Variants in GET1 observed in about 807,000 individuals in gnomAD.
GET1 encodes guided entry of tail-anchored proteins factor 1.
A neutral mutation model predicts 22.6 loss-of-function variants in GET1; 20 were observed. The observed-to-expected ratio is 0.89, with a 90% CI of 0.62 to 1.29. The LOEUF is 1.29. Among genes scored for constraint, GET1 ranks in the 50% most tolerant of loss-of-function variants. The pLI is 0.00. For missense variants in GET1, 209 were observed against 219.9 expected (o/e 0.95, Z 0.31); for synonymous variants, 92 against 83.8 (o/e 1.10, Z -0.53).
chr21:39,426,204 C>A (rs142793712), intron 1 of GET1, among the ~76,000 whole-genome samples: 7 of 152,150 alleles, frequency 4.6e-5, no homozygotes, highest in African/African-American at 1.7e-4. Flanking sequence ...GGTTTGTTGG[C>A]TTCAGAAAGG....
At chr21:39,424,774 A>G (rs963406704) in intron 1 of GET1, among the ~76,000 whole-genome samples, 2 of 152,234 alleles carry the variant, frequency 1.3e-5, no homozygotes, top group African/African-American at 4.8e-5. Flanking sequence ...GCTGGGCACC[A>G]AATGAAGTAA....
In GET1 at chr21:39,405,977, AG is replaced by A. The variant is rs2039023285; in HGVS notation, c.415del (p.Ala139ProfsTer41). 6.2e-7 allele frequency: 1 copy of A among 1,613,326 alleles called. No individual in the cohort carries two copies. Among genetic ancestry groups the A allele is most frequent in the Non-Finnish European group, 8.5e-7 (1 of 1,179,920 alleles). ...GAGTCTCCGAAAGCATGGCTGGTGG[AG>A]GCCTGACTGGGAGGCAGGGGATGCG... On this transcript the variant is annotated frameshift_variant, in exon 5 of 5. Coordinates refer to the GET1 transcript ENST00000415847. LOFTEE classifies it high-confidence loss of function.
At chr21:39,422,701 TAG>T (rs777430723) in intron 1 of GET1, 30 of 520,938 alleles carry the variant, frequency 5.8e-5, no homozygotes, top group Non-Finnish European at 8.3e-5. Context: ...TGTGCTCTCT[TAG>T]AGAATGGTCA....
At chr21:39,407,464 A>G (rs2039273733), downstream of GET1, among the ~76,000 whole-genome samples, 1 of 152,204 alleles carries the variant, frequency 6.6e-6, no homozygotes, top group African/African-American at 2.4e-5. Context: ...TCTTCTTAGA[A>G]CGAACCTACA....
chr21:39,424,657 T>C (rs903096991), intron 1 of GET1, among the ~76,000 whole-genome samples: 1 of 152,338 alleles, frequency 6.6e-6, no homozygotes, highest in Admixed American at 6.5e-5. Flanking sequence ...ATATTCAAAA[T>C]GACCCTCAAA....
chr21:39,408,375 A>T (rs1344325298), downstream of GET1, among the ~76,000 whole-genome samples: 1 of 152,222 alleles, frequency 6.6e-6, no homozygotes, highest in African/African-American at 2.4e-5. Context: ...ACCAAGAAAG[A>T]GGAGGACTTG....
At chr21:39,384,326 G>C (rs1279389274) in intron 1 of GET1, among the ~76,000 whole-genome samples, 2 of 151,570 alleles carry the variant, frequency 1.3e-5, no homozygotes, top group Non-Finnish European at 2.9e-5. Flanking sequence ...GCGCTATCTC[G>C]GCTCACTGCA....
chr21:39,404,810 TAC>T (rs1036819788), intron 4 of GET1, among the ~76,000 whole-genome samples: 3 of 147,024 alleles, frequency 2.0e-5, no homozygotes, highest in Non-Finnish European at 4.5e-5. Flanking sequence ...ACTATATATA[TAC>T]ACACATACAT....
Position 39,390,721 on chromosome 21 carries a change from C to T in GET1, c.126C>T (p.Asp42=), listed in dbSNP as rs764085148. 16 of 1,613,996 alleles carry T rather than the reference C, an allele frequency of 9.9e-6. No individual in the cohort carries two copies. Among genetic ancestry groups the T allele is most frequent in the East Asian group, 6.7e-5 (3 of 44,894 alleles). ...AGATGTCCAGGGTGCTGCAGAAGGACGCGGAGCAGGAGTCACAGATGAGAG... is the reference window on the plus strand; with the variant it reads ...AGATGTCCAGGGTGCTGCAGAAGGATGCGGAGCAGGAGTCACAGATGAGAG... ...SSFMSRVLQK[D]AEQESQMRAE... Residue 42 remains aspartate (D), a synonymous_variant, in exon 2 of 5, where the codon GAC becomes GAT. Coordinates refer to ENST00000649170, the MANE Select transcript of GET1 (RefSeq NM_004627.6).
At chr21:39,405,134 A>ATT (rs933407137) in intron 4 of GET1, among the ~76,000 whole-genome samples, 1 of 144,602 alleles carries the variant, frequency 6.9e-6, no homozygotes, top group Non-Finnish European at 1.5e-5. Flanking sequence ...CACCCAGCCT[A>ATT]TTTTTTTTTT....
At chr21:39,414,490 A>G (rs1319839599) in intron 1 of GET1, among the ~76,000 whole-genome samples, 1 of 152,152 alleles carries the variant, frequency 6.6e-6, no homozygotes, top group Non-Finnish European at 1.5e-5. Flanking sequence ...AGCTCAAACT[A>G]TGACTTTCGT....
At chr21:39,415,462 A>G (rs2040967836) in intron 1 of GET1, among the ~76,000 whole-genome samples, 1 of 152,090 alleles carries the variant, frequency 6.6e-6, no homozygotes. Context: ...GCTGTTTCCC[A>G]CTCTCTCTGA....
chr21:39,423,522 GTAAAATATACA>G, intron 1 of GET1: 1 of 1,508,766 alleles, frequency 6.6e-7, no homozygotes, highest in Non-Finnish European at 8.8e-7. Flanking sequence ...TTTATTACTA[GTAAAATATACA>G]GATATGCAAA....
At chr21:39,417,739 T>A (rs763863868) in intron 1 of GET1, among the ~76,000 whole-genome samples, 3 of 151,916 alleles carry the variant, frequency 2.0e-5, no homozygotes, top group Non-Finnish European at 2.9e-5. Flanking sequence ...CAGGGGAGCT[T>A]CTTTTTATTT....
downstream of GET1, among the ~76,000 whole-genome samples, chr21:39,400,664 G>T (rs1295890465): frequency 6.6e-6 from 1 of 152,138 alleles, no homozygotes; most frequent in East Asian, 1.9e-4. Flanking sequence ...GAACACCATT[G>T]GAATCCCAGG....
At chr21:39,384,526 C>T (rs893263186) in intron 1 of GET1, among the ~76,000 whole-genome samples, 8 of 150,988 alleles carry the variant, frequency 5.3e-5, no homozygotes, top group South Asian at 2.1e-4. Context: ...TCCCAAAGTG[C>T]GGAGATTACA....
At chr21:39,399,484 G>A (rs971112473), downstream of GET1, among the ~76,000 whole-genome samples, 5 of 151,840 alleles carry the variant, frequency 3.3e-5, no homozygotes, top group Non-Finnish European at 7.4e-5. Flanking sequence ...TTGCTCTGTC[G>A]CCCAGGCTGG....
At chr21:39,428,119 A>C (rs2075082044) in intron 1 of GET1, 2 of 1,061,848 alleles carry the variant, frequency 1.9e-6, no homozygotes, top group South Asian at 3.1e-5. Context: ...GTGCAGTAAA[A>C]TAACATCATT....
At chr21:39,388,838 C>T (rs1601613290) in intron 1 of GET1, among the ~76,000 whole-genome samples, 1 of 152,166 alleles carries the variant, frequency 6.6e-6, no homozygotes, top group East Asian at 1.9e-4. Context: ...GGAGAGTGGA[C>T]GGCTGGGGCT....
Sources: allele counts gnomAD v4.1 joint callset (sites outside exome capture counted in the v4.1 genomes callset), GRCh38; gene constraint gnomAD v4.1.1; transcripts MANE v1.5; gene names NCBI Gene and HGNC (gene_info 2026-07-23, HGNC 2026-07-21).